The following BBS9 variants were observed in gnomAD, a reference collection of about 807,000 sequenced individuals.
BBS9 encodes protein PTHB1.
In BBS9, 89 loss-of-function variants were observed where a neutral mutation model predicts 117.7. That is an observed-to-expected ratio of 0.76 (90% confidence interval 0.64 to 0.90). The LOEUF is 0.90. Among genes scored for constraint, BBS9 ranks in the 40% least tolerant of loss-of-function variants. The pLI, the probability that BBS9 is intolerant of heterozygous loss-of-function variation, is 0.00. For missense variants in BBS9, 982 were observed against 1,042.2 expected, an observed-to-expected ratio of 0.94 and a Z score of 0.80; for synonymous variants, 379 against 370.9, an observed-to-expected ratio of 1.02 and a Z score of -0.25.
At chr7:33,176,280 G>A (rs540935127) in intron 4 of BBS9, among the ~76,000 whole-genome samples, 6 of 152,218 alleles carry the variant, frequency 3.9e-5, no homozygotes, top group Admixed American at 2.6e-4. Flanking sequence ...GGAAATTGTC[G>A]TTGACAGGAT....
intron 19 of BBS9, among the ~76,000 whole-genome samples, chr7:33,446,777 G>T (rs909859698): frequency 6.6e-6 from 1 of 152,174 alleles, no homozygotes; most frequent in Non-Finnish European, 1.5e-5. Context: ...AAGAAATTGG[G>T]TTGTTTGCTT....
intron 21 of BBS9, among the ~76,000 whole-genome samples, chr7:33,546,267 T>G (rs1460862148): frequency 6.6e-6 from 1 of 152,154 alleles, no homozygotes; most frequent in Non-Finnish European, 1.5e-5. Context: ...TTAGGTTATT[T>G]CATTATTAAA....
In BBS9 at chr7:33,388,096, T is replaced by C; in HGVS notation, c.2067T>C (p.Pro689=). 6.2e-7 allele frequency: 1 copy of C among 1,614,166 alleles called. No individual in the cohort carries two copies. ...TAGCAAGATTCAAAGATAAAACTCC[T>C]GCCCCTCTTCAACACCTGGACACCT... ...RLLARFKDKT[P]APLQHLDTLL... is the part of the protein sequence containing the mutation. Residue 689 remains proline (P), a synonymous_variant, in exon 19 of 23, where the codon CCT becomes CCC. Coordinates refer to ENST00000242067, the MANE Select transcript of BBS9 (RefSeq NM_198428.3).
intron 21 of BBS9, among the ~76,000 whole-genome samples, chr7:33,590,482 G>C (rs1411610897): frequency 1.8e-5 from 1 of 54,700 alleles, no homozygotes; most frequent in East Asian, 1.2e-3. Context: ...TTTTTTACCA[G>C]ATCAGACAAC....
chr7:33,255,070 A>G (rs138951953), intron 5 of BBS9, among the ~76,000 whole-genome samples: 191 of 152,228 alleles, frequency 1.3e-3, no homozygotes, highest in African/African-American at 4.2e-3. Flanking sequence ...TGCTTATCAG[A>G]TATATGATTT....
chr7:33,441,362 A>G (rs908287641), intron 19 of BBS9, among the ~76,000 whole-genome samples: 3 of 152,192 alleles, frequency 2.0e-5, no homozygotes, highest in Non-Finnish European at 4.4e-5. Flanking sequence ...CCAAGGGCTC[A>G]GACAGAGCAG....
chr7:33,442,512 T>A (rs1038400837), intron 19 of BBS9, among the ~76,000 whole-genome samples: 16 of 152,190 alleles, frequency 1.1e-4, no homozygotes, highest in African/African-American at 3.9e-4. Flanking sequence ...TGTAGTGGAA[T>A]TGAGGGGTGA....
At chr7:33,247,627 A>T (rs1795550576) in intron 5 of BBS9, among the ~76,000 whole-genome samples, 1 of 152,182 alleles carries the variant, frequency 6.6e-6, no homozygotes, top group South Asian at 2.1e-4. Context: ...ACTTTAATAT[A>T]TCTCTGTTCT....
At chr7:33,475,860 A>G (rs1185851145) in intron 19 of BBS9, among the ~76,000 whole-genome samples, 1 of 152,194 alleles carries the variant, frequency 6.6e-6, no homozygotes, top group Admixed American at 6.5e-5. Flanking sequence ...ATAATTCCTG[A>G]GAACAAAAGA....
chr7:33,489,802 T>C (rs58121102), intron 19 of BBS9, among the ~76,000 whole-genome samples: 16,654 of 152,186 alleles, frequency 0.11, 1,545 homozygotes, highest in African/African-American at 0.25. Context: ...CTATCACTCA[T>C]GAACGCTTCC....
intron 9 of BBS9, among the ~76,000 whole-genome samples, chr7:33,316,843 C>T (rs189466315): frequency 1.7e-4 from 26 of 152,242 alleles, no homozygotes; most frequent in Non-Finnish European, 1.0e-4. Flanking sequence ...CATTTTTTCA[C>T]AGTGACTTTT....
intron 19 of BBS9, among the ~76,000 whole-genome samples, chr7:33,440,578 T>C (rs1480086865): frequency 2.6e-5 from 4 of 152,168 alleles, no homozygotes; most frequent in South Asian, 2.1e-4. Context: ...TCAGGTTTAT[T>C]GAGGCAGTGC....
intron 1 of BBS9, among the ~76,000 whole-genome samples, chr7:33,137,960 C>T (rs1051943550): frequency 2.0e-5 from 3 of 152,188 alleles, no homozygotes; most frequent in African/African-American, 7.2e-5. Flanking sequence ...TTAAGGTAGC[C>T]ATGGTCTTGT....
chr7:33,226,423 AC>A (rs1791286437), intron 5 of BBS9, among the ~76,000 whole-genome samples: 2 of 151,930 alleles, frequency 1.3e-5, no homozygotes, highest in African/African-American at 4.8e-5. Context: ...ATTATAGAAA[AC>A]TCTTCTACTT....
chr7:33,272,673 A>G (rs1364870198), intron 7 of BBS9, among the ~76,000 whole-genome samples: 2 of 152,164 alleles, frequency 1.3e-5, no homozygotes, highest in African/African-American at 2.4e-5. Flanking sequence ...TACAATCATA[A>G]TGATAGTTTT....
chr7:33,352,955 A>G, intron 15 of BBS9, 82 bp downstream of exon 15: 1 of 1,430,688 alleles, frequency 7.0e-7, no homozygotes, highest in South Asian at 1.2e-5. Flanking sequence ...CCATGAATGA[A>G]CTCTTTTTAT....
At chr7:33,354,376 G>A (rs949496378) in intron 15 of BBS9, among the ~76,000 whole-genome samples, 6 of 152,214 alleles carry the variant, frequency 3.9e-5, no homozygotes, top group South Asian at 2.1e-4. Flanking sequence ...AGAGGCAAAC[G>A]AGGTTTTATG....
intron 20 of BBS9, among the ~76,000 whole-genome samples, chr7:33,520,011 G>GTT (rs869240274): frequency 5.3e-4 from 75 of 140,568 alleles, no homozygotes; most frequent in Non-Finnish European, 9.5e-4. Flanking sequence ...TCTGAAATAG[G>GTT]TTTTTTTTTT....
intron 19 of BBS9, among the ~76,000 whole-genome samples, chr7:33,423,616 A>G (rs1272037931): frequency 6.6e-6 from 1 of 152,114 alleles, no homozygotes; most frequent in Admixed American, 6.6e-5. Flanking sequence ...GAGTCAGTAA[A>G]CTTCAGAAAT....
Sources: gnomAD v4.1 joint callset for allele counts (sites outside exome capture counted in the v4.1 genomes callset) on GRCh38, gnomAD v4.1.1 for gene constraint, MANE v1.5 for transcripts, NCBI Gene and HGNC (gene_info 2026-07-23, HGNC 2026-07-21) for gene names.